IFNGR2: variants seen among roughly 807,000 people sequenced by gnomAD.
IFNGR2 encodes IFN-gamma receptor 2.
Under a neutral mutation model 41.1 loss-of-function variants are expected in IFNGR2, and 15 were observed. That is an observed-to-expected ratio of 0.37 (90% CI 0.24 to 0.56). The LOEUF (loss-of-function observed/expected upper bound fraction) is 0.56, where lower values mean the gene tolerates loss of function less well. IFNGR2 is among the 20% of genes least tolerant of loss of function. IFNGR2 has a pLI of 0.81. For synonymous variants in IFNGR2, 161 were observed against 171.6 expected (o/e 0.94, Z 0.48); for missense variants, 362 against 415.7 (o/e 0.87, Z 1.12).
chr21:33,436,123 C>T (rs1433308021), intron 6 of IFNGR2, among the ~76,000 whole-genome samples: 6 of 151,182 alleles, frequency 4.0e-5, no homozygotes, highest in East Asian at 1.9e-4. Flanking sequence ...TTTGGGAGGC[C>T]GAGGCGGGCG....
At chr21:33,405,154 G>A (rs2083669239) in intron 1 of IFNGR2, among the ~76,000 whole-genome samples, 1 of 151,778 alleles carries the variant, frequency 6.6e-6, no homozygotes, top group African/African-American at 2.4e-5. Context: ...AATGACAAAT[G>A]TGTGGCTAGA....
chr21:33,411,384 C>A, intron 1 of IFNGR2: 1 of 467,406 alleles, frequency 2.1e-6, no homozygotes, highest in Non-Finnish European at 4.4e-6. Flanking sequence ...GACTGGGGAA[C>A]TAGAGGTGCC....
intron 1 of IFNGR2, among the ~76,000 whole-genome samples, chr21:33,407,790 TTC>T (rs1381604352): frequency 6.6e-6 from 1 of 151,898 alleles, no homozygotes; most frequent in Non-Finnish European, 1.5e-5. Context: ...GGGACGGGGT[TTC>T]ACCACGTTGG....
chr21:33,405,773 GT>G (rs1216063684), intron 1 of IFNGR2, among the ~76,000 whole-genome samples: 1 of 152,140 alleles, frequency 6.6e-6, no homozygotes, highest in Non-Finnish European at 1.5e-5. Context: ...GCTCACACCT[GT>G]AATCCCAGCA....
At chr21:33,413,972 A>G (rs764770330) in intron 1 of IFNGR2, among the ~76,000 whole-genome samples, 1 of 151,174 alleles carries the variant, frequency 6.6e-6, no homozygotes, top group East Asian at 2.0e-4. Flanking sequence ...AGCTGGGATT[A>G]CAGGCGCTCA....
rs182243337 is a variant in IFNGR2, at chr21:33,416,703, T to A, written c.206+1683T>A. Among the ~76,000 whole-genome samples the A allele has an allele frequency of 6.6e-3, 993 of 151,242 alleles. 13 individuals are homozygous for A. Among genetic ancestry groups the A allele is most frequent in the African/African-American group, 0.023 (956 of 41,240 alleles). ...TGGGTGTAGTGGCGGGCGCCTGTAG[T>A]CCCAGCTACTTGGGAGGCTGAGGCA... On this transcript the variant is annotated intron_variant, in intron 2 of 6. Transcript: ENST00000290219.
At chr21:33,404,223 A>G (rs2083661750) in intron 1 of IFNGR2, among the ~76,000 whole-genome samples, 1 of 152,206 alleles carries the variant, frequency 6.6e-6, no homozygotes, top group Admixed American at 6.5e-5. Flanking sequence ...GTCCCTTTGT[A>G]GTAGCAGCGG....
Position 33,403,596 on chromosome 21 carries a change from C to T in IFNGR2, c.53C>T (p.Ala18Val), listed in dbSNP as rs773932279. Reference sequence around the variant, plus strand: ...CTGCTGCTGCTCGGAGTCTTCGCCGCCGCCGCCGCGGCCCCGCCAGGTGAG... The same window carrying T: ...CTGCTGCTGCTCGGAGTCTTCGCCGTCGCCGCCGCGGCCCCGCCAGGTGAG... ...SLLLLLGVFA[A>V]AAAAPPDPLS... Residue 18 changes from alanine (A) to valine (V), a missense_variant, in exon 1 of 7, where the codon GCC becomes GTC. By Grantham distance (64) the Ala-to-Val change is moderately conservative. Transcript: ENST00000290219. 161 of 1,371,460 alleles carry T rather than the reference C, an allele frequency of 1.2e-4. 1 individual carries two copies. Among genetic ancestry groups the T allele is most frequent in the Non-Finnish European group, 1.1e-4 (115 of 1,059,782 alleles). The allele number at this position is 1,371,460 out of a possible 1,614,324, so 85.0% of individuals were successfully genotyped here.
chr21:33,408,336 A>G (rs2083692448), intron 1 of IFNGR2, among the ~76,000 whole-genome samples: 1 of 151,938 alleles, frequency 6.6e-6, no homozygotes, highest in Non-Finnish European at 1.5e-5. Context: ...AACTGTGATT[A>G]CAGTATGCAC....
intron 1 of IFNGR2, chr21:33,410,987 C>T (rs944801494): frequency 2.0e-5 from 19 of 929,104 alleles, no homozygotes; most frequent in Middle Eastern, 2.1e-4. Flanking sequence ...TGTTTCCCAT[C>T]GGGGGCCATG....
rs749233439 is a variant in IFNGR2, at chr21:33,414,844, C to T, written c.74-44C>T. On this transcript the variant is annotated intron_variant, in intron 1 of 6. Transcript: ENST00000290219. ...AACATTTTTGTAATTATTTCCCTCT[C>T]TCTCCTCCCTTCCTCCCTCTTCTTT... is the stretch of plus-strand genomic sequence containing the variant. The T allele has an allele frequency of 1.1e-5, 18 of 1,573,736 alleles. No individual in the cohort carries two copies. The Admixed American group carries it at 3.2e-4, about 28-fold the overall frequency.
intron 1 of IFNGR2, among the ~76,000 whole-genome samples, chr21:33,409,418 G>A (rs1331148840): frequency 6.6e-6 from 1 of 152,138 alleles, no homozygotes. Context: ...GCAGTAAGCC[G>A]AGATCACGCC....
At chr21:33,411,284 C>G (rs1227797359) in intron 1 of IFNGR2, among the ~76,000 whole-genome samples, 1 of 152,160 alleles carries the variant, frequency 6.6e-6, no homozygotes, top group African/African-American at 2.4e-5. Flanking sequence ...TTTTGCTGTT[C>G]CACGCGTCGC....
Position 33,403,586 on chromosome 21 carries a change from G to C in IFNGR2, c.43G>C (p.Val15Leu), listed in dbSNP as rs1286979644. 8.0e-6 allele frequency: 11 copies of C among 1,376,044 alleles called. No individual in the cohort carries two copies. The highest frequency in any genetic ancestry group is 9.4e-6 in the Non-Finnish European group (10 of 1,061,830). The allele number at this position is 1,376,044 out of a possible 1,614,324, so 85.2% of individuals were successfully genotyped here. The change falls in exon 1 of 7, where the codon GTC becomes CTC. Residue 15 changes from valine to leucine, a missense_variant. By Grantham distance (32) the Val-to-Leu change is conservative. Coordinates refer to ENST00000290219, the MANE Select transcript of IFNGR2 (RefSeq NM_005534.4). The part of the protein sequence containing the change: ...LLWSLLLLLG[V>L]FAAAAAAPPD... ...GTGGTCGCTGCTGCTGCTGCTCGGA[G>C]TCTTCGCCGCCGCCGCCGCGGCCCC...
At chr21:33,428,710 C>A (rs1050612996) in intron 4 of IFNGR2, among the ~76,000 whole-genome samples, 1 of 152,238 alleles carries the variant, frequency 6.6e-6, no homozygotes, top group African/African-American at 2.4e-5. Context: ...CAAGTCTGTC[C>A]TCTCCAACTG....
At chr21:33,407,681 T>C (rs1180815852) in intron 1 of IFNGR2, among the ~76,000 whole-genome samples, 1 of 152,112 alleles carries the variant, frequency 6.6e-6, no homozygotes, top group African/African-American at 2.4e-5. Context: ...CTGCAACCTC[T>C]ATCTCCCAGG....
intron 3 of IFNGR2, 147 bp downstream of exon 3, chr21:33,421,832 G>A: frequency 1.3e-6 from 1 of 750,250 alleles, no homozygotes; most frequent in Non-Finnish European, 2.4e-6. Context: ...CTCTGACCTT[G>A]GAGGCTGATG....
At chr21:33,411,290 G>A (rs1017429871) in intron 1 of IFNGR2, among the ~76,000 whole-genome samples, 4 of 152,150 alleles carry the variant, frequency 2.6e-5, no homozygotes, top group African/African-American at 7.2e-5. Context: ...TGTTCCACGC[G>A]TCGCTTGGGG....
chr21:33,409,409 C>T (rs527528347), intron 1 of IFNGR2, among the ~76,000 whole-genome samples: 1 of 152,218 alleles, frequency 6.6e-6, no homozygotes, highest in Non-Finnish European at 1.5e-5. Flanking sequence ...GTGGAGGTTG[C>T]AGTAAGCCGA....
Sources: gnomAD v4.1 joint callset for allele counts (sites outside exome capture counted in the v4.1 genomes callset) on GRCh38, gnomAD v4.1.1 for gene constraint, MANE v1.5 for transcripts, NCBI Gene and HGNC (gene_info 2026-07-23, HGNC 2026-07-21) for gene names.